The following KLHL1 variants were observed in gnomAD, a reference collection of about 807,000 sequenced individuals.
The protein encoded by KLHL1 is kelch like family member 1, also known as kelch-like protein 1.
Under a neutral mutation model 77.7 loss-of-function variants are expected in KLHL1, and 47 were observed. The observed-to-expected ratio is 0.60, with a 90% CI of 0.48 to 0.77. The LOEUF (loss-of-function observed/expected upper bound fraction) is 0.77. Among genes scored for constraint, KLHL1 ranks in the 30% least tolerant of loss-of-function variants. The probability of loss-of-function intolerance (pLI) is 0.00; values close to 1 mark genes in which losing one functional copy is unlikely to be tolerated. For synonymous variants in KLHL1, 360 were observed against 325.2 expected, an observed-to-expected ratio of 1.11 and a Z score of -1.15; for missense variants, 925 against 910.8, an observed-to-expected ratio of 1.02 and a Z score of -0.20.
At position 69,728,309 on chromosome 13, in the gene KLHL1, A is replaced by G. The variant is rs552372873; in HGVS notation, c.1803-8728T>C. ...AAGGCACTGTGCTAGGTATTAGGAC[A>G]TAATGGAAAAACAACAGACAATGAA... On this transcript the variant is annotated intron_variant, in intron 8 of 10. Coordinates refer to ENST00000377844, the MANE Select transcript of KLHL1 (RefSeq NM_020866.3). Among the ~76,000 whole-genome samples, 4 of 152,302 alleles carry G rather than the reference A, an allele frequency of 2.6e-5. No individual in the cohort carries two copies. The East Asian group carries it at 7.8e-4, about 30-fold the overall frequency.
intron 1 of KLHL1, among the ~76,000 whole-genome samples, chr13:70,052,739 T>A (rs1263239309): frequency 6.6e-6 from 1 of 151,854 alleles, no homozygotes. Flanking sequence ...TCTCTCTCTC[T>A]CACATGCACA....
intron 7 of KLHL1, among the ~76,000 whole-genome samples, chr13:69,762,083 A>G (rs1875052815): frequency 6.6e-6 from 1 of 152,178 alleles, no homozygotes; most frequent in Admixed American, 6.5e-5. Context: ...CAAGAGGCCC[A>G]ATGCTAACAG....
rs536524599 is a variant in KLHL1 at position 70,066,934 on chromosome 13, G to A, written c.497+40269C>T. On this transcript the variant is annotated intron_variant, in intron 1 of 10. Transcript: ENST00000377844. ...CATATTCGCTTATTCATAGAGTTGT[G>A]TTTTCTTTACGATTCCAGGAGCATA... Among the ~76,000 whole-genome samples the A allele has an allele frequency of 2.0e-5, 3 of 152,294 alleles. No homozygotes were observed. The East Asian group carries it at 5.8e-4, about 29-fold the overall frequency.
chr13:69,847,404 C>CAAAAAAAAAAAAAAA (rs11357077), intron 5 of KLHL1, among the ~76,000 whole-genome samples: 16 of 145,844 alleles, frequency 1.1e-4, no homozygotes, highest in African/African-American at 1.6e-4. Context: ...ACTGCATTAG[C>CAAAAAAAAAAAAAAA]AAAAAAAAAA....
intron 1 of KLHL1, among the ~76,000 whole-genome samples, chr13:69,982,476 T>TAATAATAATAATAATAA (rs1474122878): frequency 5.9e-5 from 8 of 135,638 alleles, no homozygotes; most frequent in African/African-American, 2.2e-4. Context: ...ATAATAATAA[T>TAATAATAATAATAATAA]AATAAAATAA....
intron 1 of KLHL1, among the ~76,000 whole-genome samples, chr13:70,070,101 G>A (rs900200878): frequency 5.9e-5 from 9 of 151,476 alleles, no homozygotes; most frequent in African/African-American, 1.9e-4. Context: ...CCAGGAGGCA[G>A]AGGTTGCAGG....
intron 3 of KLHL1, among the ~76,000 whole-genome samples, chr13:69,941,705 C>G (rs147365116): frequency 0.01 from 1,562 of 151,906 alleles, 25 homozygotes; most frequent in African/African-American, 0.035. Flanking sequence ...AAACAAAATT[C>G]TTAGATCATT....
chr13:69,953,172 T>C (rs1387649039), intron 3 of KLHL1, among the ~76,000 whole-genome samples: 1 of 151,274 alleles, frequency 6.6e-6, no homozygotes, highest in South Asian at 2.1e-4. Flanking sequence ...CTTAAAATTA[T>C]GAAATTATGA....
intron 1 of KLHL1, among the ~76,000 whole-genome samples, chr13:70,071,642 C>T (rs1887139587): frequency 6.6e-6 from 1 of 151,612 alleles, no homozygotes; most frequent in African/African-American, 2.4e-5. Context: ...TGCTCTCAGA[C>T]CACAATGTAA....
intron 6 of KLHL1, among the ~76,000 whole-genome samples, chr13:69,812,970 C>T (rs1270714061): frequency 1.1e-3 from 157 of 147,808 alleles, no homozygotes; most frequent in African/African-American, 3.9e-3. Context: ...CATCCCATTA[C>T]TGGGTATATA....
intron 7 of KLHL1, among the ~76,000 whole-genome samples, chr13:69,793,307 G>T (rs1876952228): frequency 6.6e-6 from 1 of 152,028 alleles, no homozygotes; most frequent in African/African-American, 2.4e-5. Flanking sequence ...ACTGAGAAAA[G>T]TGTGGTCTTA....
chr13:69,977,125 G>C (rs570483432), intron 1 of KLHL1, among the ~76,000 whole-genome samples: 2 of 152,042 alleles, frequency 1.3e-5, no homozygotes, highest in Non-Finnish European at 2.9e-5. Context: ...TATGGACTCT[G>C]TGATTTCTTA....
At chr13:69,860,334 A>G (rs1880092648) in intron 5 of KLHL1, among the ~76,000 whole-genome samples, 1 of 152,054 alleles carries the variant, frequency 6.6e-6, no homozygotes, top group Non-Finnish European at 1.5e-5. Context: ...TGTATTAAGC[A>G]TGTGTGACTG....
intron 3 of KLHL1, among the ~76,000 whole-genome samples, chr13:69,956,113 TTGATATATATATTTGATATATA>T (rs1420694207): frequency 2.3e-4 from 26 of 111,470 alleles, no homozygotes; most frequent in African/African-American, 1.1e-3. Context: ...ATATTTATAT[TTGATATATATATTTGATATATA>T]TGATATATAT....
chr13:69,707,915 A>G (rs1875700089), intron 9 of KLHL1, 119 bp from the exon 10 acceptor site: 3 of 707,844 alleles, frequency 4.2e-6, no homozygotes, highest in Non-Finnish European at 6.7e-6. Flanking sequence ...TTTTCTCTAA[A>G]GGCTCAATCA....
At chr13:69,939,351 A>ATATATATATATAT (rs1566424636) in intron 4 of KLHL1, among the ~76,000 whole-genome samples, 2 of 48,112 alleles carry the variant, frequency 4.2e-5, no homozygotes, top group Non-Finnish European at 9.4e-5. Context: ...ATATATATAT[A>ATATATATATATAT]TATATATATA....
intron 2 of KLHL1, among the ~76,000 whole-genome samples, chr13:69,971,072 A>C (rs1884367834): frequency 6.6e-6 from 1 of 152,110 alleles, no homozygotes; most frequent in Non-Finnish European, 1.5e-5. Context: ...GTGGTTGTTA[A>C]AGTCATTATT....
In KLHL1 at chr13:69,813,503, C is replaced by CACACACAT. The variant is rs34163072; in HGVS notation, c.1415-16542_1415-16541insATGTGTGT. On this transcript the variant is annotated intron_variant, in intron 6 of 10. Transcript: ENST00000377844. ...ACATACACACACACACACACACACA[C>CACACACAT]ATATATATATATATAAAGACCCTAG... Among the ~76,000 whole-genome samples, 818 of 148,888 alleles carry CACACACAT rather than the reference C, an allele frequency of 5.5e-3. 18 individuals carry two copies. The highest frequency in any genetic ancestry group is 0.019 in the African/African-American group (763 of 40,224).
At chr13:69,796,601 T>C in intron 7 of KLHL1, 137 bp downstream of exon 7, 2 of 681,320 alleles carry the variant, frequency 2.9e-6, no homozygotes, top group Non-Finnish European at 4.8e-6. Flanking sequence ...AATTTTTCTA[T>C]GTTAATTACC....
Sources: gnomAD v4.1 joint callset for allele counts (sites outside exome capture counted in the v4.1 genomes callset) on GRCh38, gnomAD v4.1.1 for gene constraint, MANE v1.5 for transcripts, NCBI Gene and HGNC (gene_info 2026-07-23, HGNC 2026-07-21) for gene names.